MYOZ1: variants seen among roughly 807,000 people sequenced by gnomAD.
MYOZ1 encodes myozenin 1, also known as myozenin-1.
In MYOZ1, 20 loss-of-function variants were observed where a neutral mutation model predicts 28.7. That is an observed-to-expected ratio of 0.70 (90% CI 0.49 to 1.01). MYOZ1 has a LOEUF of 1.01. Ranked by LOEUF, MYOZ1 falls within the 50% of genes least tolerant of loss-of-function variation. The probability of loss-of-function intolerance (pLI) is 0.00; values close to 1 mark genes in which losing one functional copy is unlikely to be tolerated. For synonymous variants in MYOZ1, 144 were observed against 145.8 expected, an observed-to-expected ratio of 0.99 and a Z score of 0.09; for missense variants, 371 against 372.4, an observed-to-expected ratio of 1.00 and a Z score of 0.03.
chr10:73,634,406 A>G, intron 4 of MYOZ1, 78 bp downstream of exon 4: 2 of 1,553,312 alleles, frequency 1.3e-6, no homozygotes, highest in Non-Finnish European at 1.7e-6. Flanking sequence ...TCTGCTCCCC[A>G]CACTCAGCGT....
intron 3 of MYOZ1, among the ~76,000 whole-genome samples, chr10:73,637,091 G>A (rs2081672043): frequency 7.0e-6 from 1 of 142,192 alleles, no homozygotes; most frequent in African/African-American, 2.7e-5. Flanking sequence ...TGGGCTCACT[G>A]CAACTCCACC....
intron 5 of MYOZ1, among the ~76,000 whole-genome samples, 185 bp from the exon 6 acceptor site, chr10:73,632,346 T>C (rs1439420865): frequency 6.6e-6 from 1 of 152,104 alleles, no homozygotes; most frequent in Admixed American, 6.5e-5. Context: ...CCAAAGCTAA[T>C]AATGAGAAAA....
Position 73,631,819 on chromosome 10 carries a change from C to G in MYOZ1, c.*111G>C, listed in dbSNP as rs1217413767. ...TGGAAAGGTAGATCTCTCCTTTTTC[C>G]CTCCATTCCCATAAGGATACTGGAT... On this transcript the variant is annotated 3_prime_UTR_variant, in exon 6 of 6. Transcript: ENST00000359322. 15 of 928,134 alleles carry G rather than the reference C, an allele frequency of 1.6e-5. No individual in the cohort carries two copies. Among genetic ancestry groups the G allele is most frequent in the Non-Finnish European group, 2.3e-5 (14 of 608,074 alleles). 57.5% of individuals were successfully genotyped at this position (928,134 alleles called of 1,614,324 possible). A position where few individuals can be genotyped will look rare whatever the true frequency, so the allele number is the denominator to read the frequency against.
Position 73,631,866 on chromosome 10 carries a change from C to T in MYOZ1, c.*64G>A. On this transcript the variant is annotated 3_prime_UTR_variant, in exon 6 of 6. Coordinates refer to ENST00000359322, the MANE Select transcript of MYOZ1 (RefSeq NM_021245.4). ...GGATTAACAATGGGGGCTATCTGCT[C>T]AGCATTCCCTCTCCAAATTGGAGCC... 1 of 1,404,844 alleles carries T rather than the reference C, an allele frequency of 7.1e-7. No individual in the cohort carries two copies. Among genetic ancestry groups the T allele is most frequent in the Non-Finnish European group, 1.0e-6 (1 of 996,526 alleles). 87.0% of individuals were successfully genotyped at this position (1,404,844 alleles called of 1,614,324 possible).
intron 5 of MYOZ1, among the ~76,000 whole-genome samples, chr10:73,633,500 G>A (rs539595282): frequency 7.9e-5 from 12 of 152,206 alleles, no homozygotes; most frequent in African/African-American, 2.9e-4. Context: ...AGGCAGAGGC[G>A]GGAGGATAGC....
rs777375414 is a variant in MYOZ1 at position 73,637,839 on chromosome 10, T to C, written c.157A>G (p.Thr53Ala). Residue 53 changes from threonine to alanine, a missense_variant, in exon 3 of 6, where the codon ACC (threonine) becomes GCC (alanine). Physicochemically the swap from Thr to Ala is moderately conservative, Grantham distance 58. Coordinates refer to ENST00000359322, the MANE Select transcript of MYOZ1 (RefSeq NM_021245.4). ...DVMLEELSLL[T>A]NRGSKMFKLR... ...TTGAACATCTTGGAGCCCCGGTTGGTAAGCAGCGACAGTTCCTCCAACATC... is the reference window on the plus strand; with the variant it reads ...TTGAACATCTTGGAGCCCCGGTTGGCAAGCAGCGACAGTTCCTCCAACATC... The C allele has an allele frequency of 3.7e-5, 60 of 1,614,030 alleles. No individual in the cohort carries two copies. The Admixed American group carries it at 9.8e-4, about 26-fold the overall frequency.
intron 3 of MYOZ1, among the ~76,000 whole-genome samples, chr10:73,636,292 C>T (rs2081666946): frequency 6.6e-6 from 1 of 152,136 alleles, no homozygotes; most frequent in Non-Finnish European, 1.5e-5. Context: ...CCGTTTCAGT[C>T]TCCACACCTG....
At chr10:73,640,924 C>T (rs118142658) in intron 1 of MYOZ1, among the ~76,000 whole-genome samples, 1 of 152,280 alleles carries the variant, frequency 6.6e-6, no homozygotes, top group East Asian at 1.9e-4. Flanking sequence ...CCACAGACCC[C>T]AGAGTGGAGG....
At position 73,640,043 on chromosome 10, in the gene MYOZ1, G is replaced by A; in HGVS notation, c.-18-8C>T. The A allele has an allele frequency of 6.2e-7, 1 of 1,611,120 alleles. No individual in the cohort carries two copies. The highest frequency in any genetic ancestry group is 8.5e-7 in the Non-Finnish European group (1 of 1,177,790). ...TGTGGAGGTGGATTCAGCCTGGACA[G>A]GGTGGGAAGGAGGAGTTGGTGGATG... is the stretch of plus-strand genomic sequence containing the variant. On this transcript the variant is annotated splice_polypyrimidine_tract_variant and splice_region_variant and intron_variant, in intron 1 of 5. Transcript: ENST00000359322.
At position 73,637,770 on chromosome 10, in the gene MYOZ1, G is replaced by A; in HGVS notation, c.226C>T (p.Pro76Ser). 1 of 1,614,010 alleles carries A rather than the reference G, an allele frequency of 6.2e-7. No homozygotes were observed. Among genetic ancestry groups the A allele is most frequent in the Non-Finnish European group, 8.5e-7 (1 of 1,179,960 alleles). The change falls in exon 3 of 6, where the codon CCT becomes TCT. Residue 76 changes from proline (P) to serine (S), a missense_variant. Coordinates refer to ENST00000359322, the MANE Select transcript of MYOZ1 (RefSeq NM_021245.4). Reference protein sequence around the residue: ...RVEKFIYENHPDVFSDSSMDH... With the variant: ...RVEKFIYENHSDVFSDSSMDH... The stretch of plus-strand genomic sequence containing the variant: ...ATTGAGCTGTCAGAGAAAACATCAG[G>A]GTGGTTCTCATAAATAAACTTCTCC...
At chr10:73,634,920 T>TTTGA (rs1333844326) in intron 3 of MYOZ1, among the ~76,000 whole-genome samples, 187 bp from the exon 4 acceptor site, 1 of 152,162 alleles carries the variant, frequency 6.6e-6, no homozygotes, top group Non-Finnish European at 1.5e-5. Flanking sequence ...TTTTTGTTTG[T>TTTGA]TTGATTTTTT....
At chr10:73,633,861 A>C in intron 5 of MYOZ1, 39 bp downstream of exon 5, 1 of 1,560,136 alleles carries the variant, frequency 6.4e-7, no homozygotes, top group Middle Eastern at 1.8e-4. Context: ...ACAGTGCCTC[A>C]CACTAGAATG....
chr10:73,637,734 C>T lies in MYOZ1; in HGVS notation c.252+10G>A. ...CAGGCTTTGAGATAGTGATAAAGTT[C>T]CAGACTCACCATTGAGCTGTCAGAG... On this transcript the variant is annotated intron_variant, in intron 3 of 5. Transcript: ENST00000359322. The T allele has an allele frequency of 4.4e-6, 7 of 1,608,498 alleles. No homozygotes were observed. Among genetic ancestry groups the T allele is most frequent in the Non-Finnish European group, 5.9e-6 (7 of 1,177,094 alleles).
At chr10:73,636,995 CCTTTTTT>C (rs1027410865) in intron 3 of MYOZ1, among the ~76,000 whole-genome samples, 2 of 148,400 alleles carry the variant, frequency 1.3e-5, no homozygotes, top group Non-Finnish European at 1.5e-5. Flanking sequence ...TTATCTTCTT[CCTTTTTT>C]CTTTTTTCTT....
intron 2 of MYOZ1, 77 bp downstream of exon 2, chr10:73,639,868 G>T: frequency 7.0e-7 from 1 of 1,426,914 alleles, no homozygotes. Flanking sequence ...TTCACCCTAA[G>T]ATATATATTT....
At chr10:73,640,638 CAAT>C (rs1405279936) in intron 1 of MYOZ1, among the ~76,000 whole-genome samples, 1 of 152,116 alleles carries the variant, frequency 6.6e-6, no homozygotes, top group Non-Finnish European at 1.5e-5. Flanking sequence ...GTTTAAAAAA[CAAT>C]AACACAAGCA....
intron 2 of MYOZ1, 116 bp downstream of exon 2, chr10:73,639,829 C>T (rs1268079498): frequency 1.9e-6 from 2 of 1,032,048 alleles, no homozygotes; most frequent in African/African-American, 3.2e-5. Context: ...CCATCACCCG[C>T]CTTCCCACCA....
At chr10:73,640,305 G>A (rs3781219) in intron 1 of MYOZ1, among the ~76,000 whole-genome samples, 33,276 of 151,994 alleles carry the variant, frequency 0.22, 5,417 homozygotes, top group African/African-American at 0.45. Flanking sequence ...GCGCACCACC[G>A]TGCCTGGCTA....
intron 3 of MYOZ1, 119 bp from the exon 4 acceptor site, chr10:73,634,852 T>C: frequency 1.7e-6 from 2 of 1,196,310 alleles, no homozygotes; most frequent in Non-Finnish European, 2.3e-6. Context: ...AATTTTCTGA[T>C]ATTTCCCCCT....
Sources: gnomAD v4.1 joint callset for allele counts (sites outside exome capture counted in the v4.1 genomes callset) on GRCh38, gnomAD v4.1.1 for gene constraint, MANE v1.5 for transcripts, NCBI Gene and HGNC (gene_info 2026-07-23, HGNC 2026-07-21) for gene names.